GLCCI1: variants seen among roughly 807,000 people sequenced by gnomAD.
The protein encoded by GLCCI1 is glucocorticoid induced 1, also known as glucocorticoid-induced transcript 1 protein.
A neutral mutation model predicts 52.2 loss-of-function variants in GLCCI1; 24 were observed. The observed-to-expected ratio is 0.46, with a 90% confidence interval of 0.33 to 0.65. The LOEUF (loss-of-function observed/expected upper bound fraction) is 0.65. GLCCI1 is among the 30% of genes least tolerant of loss of function. GLCCI1 has a pLI of 0.02. For synonymous variants in GLCCI1, 310 were observed against 276.5 expected (o/e 1.12, Z -1.20); for missense variants, 704 against 701.5 (o/e 1.00, Z -0.04).
intron 1 of GLCCI1, among the ~76,000 whole-genome samples, chr7:7,984,544 C>G (rs1262010096): frequency 2.0e-5 from 3 of 152,106 alleles, no homozygotes; most frequent in African/African-American, 7.2e-5. Flanking sequence ...AACTGTAAAG[C>G]AGATTTTGAG....
intron 1 of GLCCI1, among the ~76,000 whole-genome samples, chr7:7,974,907 G>A (rs1435573785): frequency 6.6e-6 from 1 of 152,118 alleles, no homozygotes; most frequent in Non-Finnish European, 1.5e-5. Context: ...CTTTTATTAA[G>A]TGTCTAAGAA....
chr7:8,044,749 A>C (rs971004344), intron 3 of GLCCI1, among the ~76,000 whole-genome samples: 7 of 152,220 alleles, frequency 4.6e-5, no homozygotes, highest in Non-Finnish European at 8.8e-5. Flanking sequence ...AATGTCAGTA[A>C]AAGCACTTGT....
At chr7:8,070,748 A>G (rs1313598964) in intron 5 of GLCCI1, 173 bp from the exon 6 acceptor site, 5 of 596,056 alleles carry the variant, frequency 8.4e-6, no homozygotes, top group Admixed American at 6.1e-5. Context: ...GTTTAGTTCA[A>G]TAAAGGTAAC....
At chr7:8,067,117 A>G (rs986131004) in intron 5 of GLCCI1, among the ~76,000 whole-genome samples, 1 of 152,178 alleles carries the variant, frequency 6.6e-6, no homozygotes, top group Non-Finnish European at 1.5e-5. Flanking sequence ...GTTGCATTGA[A>G]TCCTTTACCA....
intron 6 of GLCCI1, among the ~76,000 whole-genome samples, chr7:8,075,283 A>T (rs570711644): frequency 6.6e-6 from 1 of 152,128 alleles, no homozygotes; most frequent in East Asian, 1.9e-4. Context: ...TTGATTTTTT[A>T]CTAGATTTTT....
intron 2 of GLCCI1, among the ~76,000 whole-genome samples, chr7:8,022,184 C>T (rs1781507084): frequency 6.6e-6 from 1 of 152,094 alleles, no homozygotes; most frequent in Non-Finnish European, 1.5e-5. Context: ...TTTAAAAACA[C>T]CAATACACAT....
intron 1 of GLCCI1, among the ~76,000 whole-genome samples, chr7:7,985,565 A>G (rs1335299046): frequency 6.6e-6 from 1 of 152,134 alleles, no homozygotes; most frequent in Admixed American, 6.5e-5. Context: ...TGAACACCCA[A>G]CTAGACATAT....
Position 7,968,873 on chromosome 7 carries a change from G to A in GLCCI1, c.-478G>A. 1 of 158,846 alleles carries A rather than the reference G, an allele frequency of 6.3e-6. No homozygotes were observed. Among genetic ancestry groups the A allele is most frequent in the Non-Finnish European group, 1.4e-5 (1 of 72,648 alleles). 9.8% of individuals were successfully genotyped at this position (158,846 alleles called of 1,614,324 possible). ...TTTGCGGTGGCGCGGACTCCGAGGA[G>A]CGCCAGCACCTCGAGGCCCTTTCTC... On this transcript the variant is annotated 5_prime_UTR_variant, in exon 1 of 8. Coordinates refer to ENST00000223145, the MANE Select transcript of GLCCI1 (RefSeq NM_138426.4).
At chr7:8,026,868 C>T (rs1416384949) in intron 3 of GLCCI1, among the ~76,000 whole-genome samples, 2 of 152,204 alleles carry the variant, frequency 1.3e-5, no homozygotes, top group Non-Finnish European at 2.9e-5. Context: ...GAATAACAGT[C>T]TTTGTCTGGT....
chr7:8,053,314 CGTT>C (rs767213681), intron 3 of GLCCI1, among the ~76,000 whole-genome samples: 1 of 96,886 alleles, frequency 1.0e-5, no homozygotes, highest in Non-Finnish European at 2.1e-5. Flanking sequence ...TTTTTGTTTT[CGTT>C]TTTTTTTTTG....
At chr7:8,082,902 C>A (rs1324229682) in intron 6 of GLCCI1, among the ~76,000 whole-genome samples, 1 of 152,100 alleles carries the variant, frequency 6.6e-6, no homozygotes, top group African/African-American at 2.4e-5. Flanking sequence ...TGTGATAGGC[C>A]TGATGATGTA....
Position 8,043,355 on chromosome 7 carries a change from G to A in GLCCI1, c.697-12078G>A, listed in dbSNP as rs797012511. Among the ~76,000 whole-genome samples the A allele has an allele frequency of 2.6e-5, 4 of 151,320 alleles. No individual in the cohort carries two copies. The South Asian group carries it at 6.3e-4, about 24-fold the overall frequency. On this transcript the variant is annotated intron_variant, in intron 3 of 7. Transcript: ENST00000223145. ...GTAAAAAAAAAAAAAGCAGCCATAGGCAGTATAGAGTAGGTTTGACTATGT... is the reference window on the plus strand; with the variant it reads ...GTAAAAAAAAAAAAAGCAGCCATAGACAGTATAGAGTAGGTTTGACTATGT...
At chr7:8,004,098 C>G (rs754426445) in intron 2 of GLCCI1, 39 bp downstream of exon 2, 1 of 1,568,874 alleles carries the variant, frequency 6.4e-7, no homozygotes, top group African/African-American at 1.4e-5. Flanking sequence ...TTACCCTGCA[C>G]TTCTTCTGTT....
At chr7:8,003,141 T>C (rs577731359) in intron 1 of GLCCI1, among the ~76,000 whole-genome samples, 5 of 152,306 alleles carry the variant, frequency 3.3e-5, no homozygotes, top group South Asian at 2.1e-4. Flanking sequence ...GGGTTTAAAC[T>C]TATGTTGTGA....
chr7:8,086,730 C>G lies in GLCCI1; in HGVS notation c.*192C>G. On this transcript the variant is annotated 3_prime_UTR_variant, in exon 8 of 8. Coordinates refer to ENST00000223145, the MANE Select transcript of GLCCI1 (RefSeq NM_138426.4). The surrounding 1 kb of genome is among the most constrained non-coding windows in gnomAD (Gnocchi z 4.4). ...GCAGTTTTTGTGGAAAGCAGTAATGCTTGCAAAACGTGTGTGTCATTCAGC... is the reference window on the plus strand; with the variant it reads ...GCAGTTTTTGTGGAAAGCAGTAATGGTTGCAAAACGTGTGTGTCATTCAGC... The G allele has an allele frequency of 1.7e-6, 1 of 572,020 alleles. No individual in the cohort carries two copies. Among genetic ancestry groups the G allele is most frequent in the Non-Finnish European group, 3.1e-6 (1 of 326,746 alleles). The allele number at this position is 572,020 out of a possible 1,614,324, so 35.4% of individuals were successfully genotyped here. A position where few individuals can be genotyped will look rare whatever the true frequency, so the allele number is the denominator to read the frequency against.
At chr7:8,036,568 T>G (rs1420743737) in intron 3 of GLCCI1, among the ~76,000 whole-genome samples, 2 of 152,150 alleles carry the variant, frequency 1.3e-5, no homozygotes, top group Non-Finnish European at 2.9e-5. Context: ...AAATGAAATC[T>G]TTTAAATACC....
Position 8,002,335 on chromosome 7 carries a change from C to G in GLCCI1, c.458-1573C>G, listed in dbSNP as rs528170651. On this transcript the variant is annotated intron_variant, in intron 1 of 7. Coordinates refer to ENST00000223145, the MANE Select transcript of GLCCI1 (RefSeq NM_138426.4). ...ATATTCTGAAAACAAAATATCTTCT[C>G]TGTAATTCATGAAACGTTTATAAAA... Among the ~76,000 whole-genome samples the G allele has an allele frequency of 1.1e-4, 16 of 152,182 alleles. No homozygotes were observed. The South Asian group carries it at 3.3e-3, about 32-fold the overall frequency.
At chr7:7,976,496 A>AAAAAAAAAAAAAG (rs1562413199) in intron 1 of GLCCI1, among the ~76,000 whole-genome samples, 5 of 143,752 alleles carry the variant, frequency 3.5e-5, no homozygotes, top group African/African-American at 1.4e-4. Flanking sequence ...AAAAAAAAAA[A>AAAAAAAAAAAAAG]AAGGAAAGGA....
intron 1 of GLCCI1, chr7:7,981,988 A>G: frequency 2.4e-6 from 1 of 421,358 alleles, no homozygotes; most frequent in Non-Finnish European, 4.7e-6. Flanking sequence ...CCAGATAAGT[A>G]TGAGAAAGTT....
Sources: allele counts gnomAD v4.1 joint callset (sites outside exome capture counted in the v4.1 genomes callset), GRCh38; gene constraint gnomAD v4.1.1; non-coding constraint Gnocchi (gnomAD v3.1); transcripts MANE v1.5; gene names NCBI Gene and HGNC (gene_info 2026-07-23, HGNC 2026-07-21).